RRP15: variants seen among roughly 807,000 people sequenced by gnomAD.
The protein encoded by RRP15 is ribosomal RNA processing 15 homolog.
Under a neutral mutation model 27.1 loss-of-function variants are expected in RRP15, and 18 were observed. The ratio of observed to expected loss-of-function variants is 0.66; its 90% CI spans 0.46 to 0.98. The LOEUF (loss-of-function observed/expected upper bound fraction) is 0.98, where lower values mean the gene tolerates loss of function less well. Ranked by LOEUF, RRP15 falls within the 50% of genes least tolerant of loss-of-function variation. The pLI, the probability that RRP15 is intolerant of heterozygous loss-of-function variation, is 0.00. For missense variants in RRP15, 359 were observed against 337.8 expected (o/e 1.06, Z -0.49); for synonymous variants, 107 against 109.4 (o/e 0.98, Z 0.14).
rs184175692 is a variant in RRP15, at chr1:218,324,344, C to T, written c.706-6604C>T. Among the ~76,000 whole-genome samples the T allele has an allele frequency of 2.8e-3, 432 of 152,310 alleles. 5 individuals carry two copies. Among genetic ancestry groups the T allele is most frequent in the African/African-American group, 9.9e-3 (412 of 41,570 alleles). On this transcript the variant is annotated intron_variant, in intron 4 of 4. Transcript: ENST00000366932. ...TTGCCTGCACCTTCGGCCGGGTACTCGCGGGTTCCCAAGACGCGGCCGGCA... is the reference window on the plus strand; with the variant it reads ...TTGCCTGCACCTTCGGCCGGGTACTTGCGGGTTCCCAAGACGCGGCCGGCA...
intron 4 of RRP15, among the ~76,000 whole-genome samples, chr1:218,323,271 G>A (rs577476942): frequency 5.9e-5 from 9 of 152,324 alleles, no homozygotes; most frequent in Non-Finnish European, 1.0e-4. Flanking sequence ...GGCAGGTCCC[G>A]AGTTCTTGTG....
At chr1:218,323,516 C>T (rs1656221165) in intron 4 of RRP15, among the ~76,000 whole-genome samples, 1 of 152,162 alleles carries the variant, frequency 6.6e-6, no homozygotes, top group Non-Finnish European at 1.5e-5. Context: ...AAAAGCACTA[C>T]AAGTTCCCAC....
Position 218,332,383 on chromosome 1 carries a change from G to A in RRP15, c.*1292G>A, listed in dbSNP as rs1199167042. 6.6e-6 allele frequency: 1 copy of A among 152,098 alleles called. No individual in the cohort carries two copies. Among genetic ancestry groups the A allele is most frequent in the African/African-American group, 2.4e-5 (1 of 41,424 alleles). The allele number at this position is 152,098 out of a possible 1,614,324, so 9.4% of individuals were successfully genotyped here. ...TGTTTAATATCATTCCAAAATTTTT[G>A]TGAAATGTGGCCCAAGATCTAAAGT... On this transcript the variant is annotated 3_prime_UTR_variant, in exon 5 of 5. Coordinates refer to ENST00000366932, the MANE Select transcript of RRP15 (RefSeq NM_016052.4).
chr1:218,310,261 A>T (rs757204362), intron 4 of RRP15, among the ~76,000 whole-genome samples: 6 of 152,192 alleles, frequency 3.9e-5, no homozygotes, highest in Non-Finnish European at 7.3e-5. Context: ...GGCTGTAATG[A>T]TATTCAGAGC....
At chr1:218,298,848 G>A (rs1176688274) in intron 1 of RRP15, among the ~76,000 whole-genome samples, 4 of 152,166 alleles carry the variant, frequency 2.6e-5, no homozygotes. Flanking sequence ...GCCATGATTG[G>A]AACTTTTAGT....
chr1:218,321,584 A>G (rs1656188080), intron 4 of RRP15, among the ~76,000 whole-genome samples: 1 of 152,100 alleles, frequency 6.6e-6, no homozygotes, highest in African/African-American at 2.4e-5. Flanking sequence ...TATTTCTTTC[A>G]AGGCCTGTAC....
chr1:218,285,344 G>A lies in RRP15; in HGVS notation c.28G>A (p.Val10Met). Residue 10 changes from valine (V) to methionine (M), a missense_variant, in exon 1 of 5, where the codon GTG becomes ATG. By Grantham distance (21) the Val-to-Met change is conservative. Transcript: ENST00000366932. The stretch of plus-strand genomic sequence containing the variant: ...GGCAGCCGCCGCTCCGGACTCACGT[G>A]TGAGTGAGGAAGAAAACCTGAAAAA... MAAAAPDSR[V>M]SEEENLKKTP... is the part of the protein sequence containing the mutation. 6.2e-7 allele frequency: 1 copy of A among 1,614,180 alleles called. No individual in the cohort carries two copies. Among genetic ancestry groups the A allele is most frequent in the African/African-American group, 1.3e-5 (1 of 75,044 alleles).
chr1:218,327,382 C>T (rs147124984), intron 4 of RRP15, among the ~76,000 whole-genome samples: 2 of 150,114 alleles, frequency 1.3e-5, no homozygotes, highest in Non-Finnish European at 3.0e-5. Flanking sequence ...GATCTCGGCT[C>T]ACTGCAACCT....
intron 1 of RRP15, among the ~76,000 whole-genome samples, chr1:218,299,436 A>G (rs1380398226): frequency 6.6e-6 from 1 of 152,126 alleles, no homozygotes; most frequent in East Asian, 1.9e-4. Flanking sequence ...AAATGCACCA[A>G]AGAAAAATAG....
chr1:218,314,126 A>C (rs1487249844), intron 4 of RRP15, among the ~76,000 whole-genome samples: 1 of 152,048 alleles, frequency 6.6e-6, no homozygotes, highest in Non-Finnish European at 1.5e-5. Flanking sequence ...AAGTGCTGGG[A>C]TTACAGGCAT....
chr1:218,320,842 A>G (rs1656176640), intron 4 of RRP15, among the ~76,000 whole-genome samples: 1 of 152,212 alleles, frequency 6.6e-6, no homozygotes, highest in Admixed American at 6.5e-5. Flanking sequence ...AATTTTTAAC[A>G]ACAAAGATAT....
intron 4 of RRP15, among the ~76,000 whole-genome samples, chr1:218,317,458 A>G (rs765302017): frequency 6.6e-6 from 1 of 152,228 alleles, no homozygotes; most frequent in Non-Finnish European, 1.5e-5. Context: ...CGTGCTGCTC[A>G]TTTGATGTAA....
In RRP15 at chr1:218,332,181, T is replaced by C. The variant is rs1656383062; in HGVS notation, c.*1090T>C. On this transcript the variant is annotated 3_prime_UTR_variant, in exon 5 of 5. Transcript: ENST00000366932. Reference sequence around the variant, plus strand: ...TCTTCTTTTTTTTCCTCCCAAATATTTGAGTTAGCTTAAATTCTTTTTTAT... The same window carrying C: ...TCTTCTTTTTTTTCCTCCCAAATATCTGAGTTAGCTTAAATTCTTTTTTAT... The C allele has an allele frequency of 6.6e-6, 1 of 152,114 alleles. No individual in the cohort carries two copies. 9.4% of individuals were successfully genotyped at this position (152,114 alleles called of 1,614,324 possible).
In RRP15 at chr1:218,332,553, A is replaced by G. The variant is rs912587424; in HGVS notation, c.*1462A>G. 1.3e-5 allele frequency: 2 copies of G among 152,178 alleles called. No individual in the cohort carries two copies. Among genetic ancestry groups the G allele is most frequent in the Admixed American group, 6.5e-5 (1 of 15,276 alleles). The allele number at this position is 152,178 out of a possible 1,614,324, so 9.4% of individuals were successfully genotyped here. A position where few individuals can be genotyped will look rare whatever the true frequency, so the allele number is the denominator to read the frequency against. On this transcript the variant is annotated 3_prime_UTR_variant, in exon 5 of 5. Transcript: ENST00000366932. ...TATTGAAGGATAATCCCCCCCAAAA[A>G]AACTATCCAAGAGCAGAGATGTTTA... is the stretch of plus-strand genomic sequence containing the variant.
intron 4 of RRP15, among the ~76,000 whole-genome samples, chr1:218,322,979 G>T (rs930467336): frequency 5.9e-5 from 9 of 152,214 alleles, no homozygotes; most frequent in Non-Finnish European, 1.0e-4. Context: ...GCAATGGCAT[G>T]GGCGCCGGCT....
chr1:218,314,362 C>T (rs1056274516), intron 4 of RRP15, among the ~76,000 whole-genome samples: 1 of 152,028 alleles, frequency 6.6e-6, no homozygotes, highest in African/African-American at 2.4e-5. Context: ...AATGTAGAGG[C>T]ATTAATTTTT....
chr1:218,336,623 A>G lies in RRP15; in HGVS notation c.*5532A>G, dbSNP rs1656452552. 3 of 152,628 alleles carry G rather than the reference A, an allele frequency of 2.0e-5. No individual in the cohort carries two copies. The highest frequency in any genetic ancestry group is 1.3e-4 in the Admixed American group (2 of 15,272). 9.5% of individuals were successfully genotyped at this position (152,628 alleles called of 1,614,324 possible). On this transcript the variant is annotated 3_prime_UTR_variant, in exon 5 of 5. Transcript: ENST00000366932. ...TGGACAGGACATAAACAATAGATTGACATCAGCTCTGAAAACAGTGCAGCA... is the reference window on the plus strand; with the variant it reads ...TGGACAGGACATAAACAATAGATTGGCATCAGCTCTGAAAACAGTGCAGCA...
At chr1:218,329,276 C>T (rs1443280893) in intron 4 of RRP15, among the ~76,000 whole-genome samples, 1 of 142,110 alleles carries the variant, frequency 7.0e-6, no homozygotes, top group African/African-American at 2.6e-5. Flanking sequence ...AAAAATTAGC[C>T]AGGCATGATG....
At chr1:218,324,120 C>T (rs1407299894) in intron 4 of RRP15, among the ~76,000 whole-genome samples, 1 of 152,196 alleles carries the variant, frequency 6.6e-6, no homozygotes, top group Non-Finnish European at 1.5e-5. Flanking sequence ...CCTGCCCCTC[C>T]GTGCCTGACT....
Sources: gnomAD v4.1 joint callset for allele counts (sites outside exome capture counted in the v4.1 genomes callset) on GRCh38, gnomAD v4.1.1 for gene constraint, MANE v1.5 for transcripts, NCBI Gene and HGNC (gene_info 2026-07-23, HGNC 2026-07-21) for gene names.